The following SCGB2B2 variants were observed in gnomAD, a reference collection of about 807,000 sequenced individuals.
The protein encoded by SCGB2B2 is secretoglobin family 2B member 2.
SCGB2B2 carries 11 observed loss-of-function variants against 7.6 expected under a neutral mutation model. That is an observed-to-expected ratio of 1.45 (90% CI 0.91 to 2.40). The LOEUF (loss-of-function observed/expected upper bound fraction) is 2.40. SCGB2B2 is among the 30% of genes most tolerant of loss of function. The pLI is 0.00. For synonymous variants in SCGB2B2, 50 were observed against 48.6 expected (o/e 1.03, Z -0.12); for missense variants, 104 against 115.4 (o/e 0.90, Z 0.45).
At chr19:34,625,234 A>G (rs555135539) in intron 1 of SCGB2B2, among the ~76,000 whole-genome samples, 7 of 152,288 alleles carry the variant, frequency 4.6e-5, no homozygotes, top group African/African-American at 1.7e-4. Context: ...CAACTGAGGT[A>G]CCGGGTTCAT....
rs1445935311 is a variant in SCGB2B2, at chr19:34,610,272, C to T, written c.-2031-13678G>A. On this transcript the variant is annotated intron_variant, in intron 1 of 3. Transcript: ENST00000601241. Reference sequence around the variant, plus strand: ...TCTGCAAGCAGAGACCATTTGGCATCCTCCTATCCAGGCTGTATGCTCTTT... The same window carrying T: ...TCTGCAAGCAGAGACCATTTGGCATTCTCCTATCCAGGCTGTATGCTCTTT... Among the ~76,000 whole-genome samples the T allele has an allele frequency of 2.6e-5, 4 of 152,112 alleles. No homozygotes were observed. The East Asian group carries it at 5.8e-4, about 22-fold the overall frequency.
chr19:34,629,596 C>A (rs1476310159), intron 1 of SCGB2B2, among the ~76,000 whole-genome samples: 1 of 151,940 alleles, frequency 6.6e-6, no homozygotes, highest in Non-Finnish European at 1.5e-5. Context: ...GAACTACAAA[C>A]CACTGCTCAA....
intron 1 of SCGB2B2, among the ~76,000 whole-genome samples, chr19:34,639,565 T>C (rs745816236): frequency 2.0e-5 from 3 of 152,216 alleles, no homozygotes; most frequent in Non-Finnish European, 4.4e-5. Flanking sequence ...TTCATGTGGT[T>C]ATACACCTTA....
intron 1 of SCGB2B2, among the ~76,000 whole-genome samples, chr19:34,641,080 C>G (rs903994985): frequency 6.6e-6 from 1 of 151,274 alleles, no homozygotes; most frequent in Non-Finnish European, 1.5e-5. Context: ...CCATCACACC[C>G]CAAACAAAGA....
At chr19:34,615,218 T>C (rs1017558226) in intron 1 of SCGB2B2, among the ~76,000 whole-genome samples, 1 of 152,164 alleles carries the variant, frequency 6.6e-6, no homozygotes, top group African/African-American at 2.4e-5. Context: ...CAGGGTGGGC[T>C]TCTTCTCTGG....
Position 34,656,674 on chromosome 19 carries a change from C to T in SCGB2B2, c.-2032+18956G>A, listed in dbSNP as rs141879246. ...ATCTTAATCTAATGAAGACCACCTA[C>T]GAAAAAAATCTGATGTTAAACTTCT... On this transcript the variant is annotated intron_variant, in intron 1 of 3. Transcript: ENST00000601241. 1.1e-3 allele frequency among the ~76,000 whole-genome samples: 171 copies of T among 151,102 alleles called. 12 individuals carry two copies. Among genetic ancestry groups the T allele is most frequent in the African/African-American group, 3.8e-3 (155 of 40,534 alleles).
chr19:34,610,303 A>T (rs1430048909), intron 1 of SCGB2B2, among the ~76,000 whole-genome samples: 1 of 151,922 alleles, frequency 6.6e-6, no homozygotes. Context: ...TCTTTATTTC[A>T]TTCTCTTGCC....
intron 1 of SCGB2B2, among the ~76,000 whole-genome samples, chr19:34,669,657 C>T (rs929279186): frequency 1.5e-5 from 2 of 134,362 alleles, no homozygotes; most frequent in Non-Finnish European, 3.2e-5. Flanking sequence ...TACACTGTCA[C>T]CCCAAAGGCA....
At chr19:34,642,190 A>G (rs754399209) in intron 1 of SCGB2B2, among the ~76,000 whole-genome samples, 4 of 152,294 alleles carry the variant, frequency 2.6e-5, no homozygotes, top group Non-Finnish European at 4.4e-5. Flanking sequence ...GTCTCAAAGG[A>G]TTTTGTTTTT....
At chr19:34,613,579 T>C (rs892021941) in intron 1 of SCGB2B2, among the ~76,000 whole-genome samples, 9 of 152,032 alleles carry the variant, frequency 5.9e-5, no homozygotes, top group African/African-American at 2.2e-4. Flanking sequence ...TGTGATTTTG[T>C]TAACTGTTTT....
At chr19:34,638,175 C>G (rs1282682534) in intron 1 of SCGB2B2, 1 of 152,222 alleles carries the variant, frequency 6.6e-6, no homozygotes, top group African/African-American at 2.4e-5. Flanking sequence ...GGGCTGGGTG[C>G]AGTGGCTCAC....
intron 1 of SCGB2B2, among the ~76,000 whole-genome samples, chr19:34,643,650 A>C (rs181798837): frequency 6.6e-6 from 1 of 152,222 alleles, no homozygotes; most frequent in African/African-American, 2.4e-5. Context: ...ATCATTACAC[A>C]TTCTATGCCT....
At chr19:34,642,714 CAAAAA>C (rs55922005) in intron 1 of SCGB2B2, among the ~76,000 whole-genome samples, 3 of 39,880 alleles carry the variant, frequency 7.5e-5, no homozygotes, top group Admixed American at 5.0e-4. Context: ...GACTCCGTCT[CAAAAA>C]AAAAAAAAAA....
chr19:34,609,503 G>C (rs2065873587), intron 1 of SCGB2B2, among the ~76,000 whole-genome samples: 1 of 152,030 alleles, frequency 6.6e-6, no homozygotes, highest in African/African-American at 2.4e-5. Flanking sequence ...AATATGATTA[G>C]AGATGGATGT....
rs915956376 is a variant in SCGB2B2, at chr19:34,594,378, G to A, written c.62-19C>T. 1.9e-6 allele frequency: 3 copies of A among 1,611,820 alleles called. No individual in the cohort carries two copies. The highest frequency in any genetic ancestry group is 1.7e-5 in the Admixed American group (1 of 59,990). ...GCATCCCCTGTGGAGGATGAGGTGA[G>A]ATAAGAAAACAGAGGAGGTCAGAAT... On this transcript the variant is annotated intron_variant, in intron 2 of 3. Coordinates refer to ENST00000601241, the MANE Select transcript of SCGB2B2 (RefSeq NM_001025591.4).
intron 1 of SCGB2B2, among the ~76,000 whole-genome samples, chr19:34,668,931 T>A (rs541987014): frequency 6.6e-6 from 1 of 152,194 alleles, no homozygotes; most frequent in Non-Finnish European, 1.5e-5. Context: ...AAAAGCAGGC[T>A]GCCCCAGCCA....
intron 1 of SCGB2B2, among the ~76,000 whole-genome samples, chr19:34,624,367 G>A (rs1209135228): frequency 1.3e-5 from 2 of 152,206 alleles, no homozygotes; most frequent in African/African-American, 4.8e-5. Context: ...CCCTTACTAG[G>A]TGAAAGTTTA....
intron 1 of SCGB2B2, among the ~76,000 whole-genome samples, chr19:34,654,955 A>C (rs2067244971): frequency 1.3e-5 from 2 of 151,320 alleles, no homozygotes; most frequent in Admixed American, 1.3e-4. Flanking sequence ...TCCTTCGGGC[A>C]CTTACACCAC....
At chr19:34,631,444 G>A (rs1447178027) in intron 1 of SCGB2B2, among the ~76,000 whole-genome samples, 1 of 151,932 alleles carries the variant, frequency 6.6e-6, no homozygotes, top group Non-Finnish European at 1.5e-5. Context: ...GGTTTACAGG[G>A]TAGATAATGA....
Sources: gnomAD v4.1 joint callset for allele counts (sites outside exome capture counted in the v4.1 genomes callset) on GRCh38, gnomAD v4.1.1 for gene constraint, MANE v1.5 for transcripts, NCBI Gene and HGNC (gene_info 2026-07-23, HGNC 2026-07-21) for gene names.